Variants in SLCO4C1 observed in about 807,000 individuals in gnomAD.
The protein encoded by SLCO4C1 is solute carrier organic anion transporter family member 4C1.
Under a neutral mutation model 72.1 loss-of-function variants are expected in SLCO4C1, and 58 were observed. The observed-to-expected ratio is 0.80, with a 90% CI of 0.65 to 1.00. SLCO4C1 has a LOEUF of 1.00. Ranked by LOEUF, SLCO4C1 falls within the 50% of genes least tolerant of loss-of-function variation. SLCO4C1 has a pLI of 0.00. For missense variants in SLCO4C1, 898 were observed against 857.9 expected, an observed-to-expected ratio of 1.05 and a Z score of -0.58; for synonymous variants, 297 against 312.5, an observed-to-expected ratio of 0.95 and a Z score of 0.52.
rs746398318 is a variant in SLCO4C1, at chr5:102,257,322, A to G, written c.1274-12T>C. On this transcript the variant is annotated splice_polypyrimidine_tract_variant and intron_variant, in intron 7 of 12. Coordinates refer to ENST00000310954, the MANE Select transcript of SLCO4C1 (RefSeq NM_180991.5). ...AATTAAAACAGCCCCTAATAAGAAA[A>G]AAGAATGTAGATTGTGAGAAACCAT... 3 of 1,571,484 alleles carry G rather than the reference A, an allele frequency of 1.9e-6. No individual in the cohort carries two copies. In the South Asian group the frequency reaches 3.6e-5, roughly 19 times the overall value.
intron 8 of SLCO4C1, among the ~76,000 whole-genome samples, chr5:102,256,648 C>T (rs1031105742): frequency 6.6e-6 from 1 of 152,188 alleles, no homozygotes; most frequent in Admixed American, 6.5e-5. Flanking sequence ...TAAACATAAA[C>T]TTCTAAGTAG....
chr5:102,251,416 A>G (rs1177815163), intron 8 of SLCO4C1, among the ~76,000 whole-genome samples: 1 of 152,166 alleles, frequency 6.6e-6, no homozygotes, highest in East Asian at 1.9e-4. Flanking sequence ...TGGATGTAGA[A>G]TCAGTAAGAT....
intron 3 of SLCO4C1, among the ~76,000 whole-genome samples, chr5:102,269,005 T>C (rs1466776526): frequency 1.3e-5 from 2 of 152,128 alleles, no homozygotes; most frequent in Non-Finnish European, 2.9e-5. Flanking sequence ...CATCCAATTG[T>C]CTCCTGACCT....
intron 3 of SLCO4C1, 94 bp from the exon 4 acceptor site, chr5:102,263,874 C>A (rs775829322): frequency 4.4e-6 from 4 of 902,230 alleles, no homozygotes; most frequent in Non-Finnish European, 7.0e-6. Flanking sequence ...ACAGAAAAAT[C>A]TAAACAATTA....
At chr5:102,293,818 T>TC (rs1270328410) in intron 1 of SLCO4C1, among the ~76,000 whole-genome samples, 1 of 152,176 alleles carries the variant, frequency 6.6e-6, no homozygotes, top group Non-Finnish European at 1.5e-5. Context: ...CACTGCAACC[T>TC]CCACCTCCCG....
intron 2 of SLCO4C1, among the ~76,000 whole-genome samples, chr5:102,272,422 T>C (rs191439631): frequency 1.6e-3 from 240 of 152,256 alleles, no homozygotes; most frequent in Non-Finnish European, 2.2e-3. Context: ...CAGGTGGTCC[T>C]GTATTATGAA....
chr5:102,295,917 C>A lies in SLCO4C1; in HGVS notation c.346G>T (p.Val116Phe), dbSNP rs1448311504. The stretch of plus-strand genomic sequence containing the variant: ...GGGCGCTGGACTTTACCTTGCGTGA[C>A]GGCCAAGAGGCAGTAGTGAAGCAGA... ...GFLLHYCLLA[V>F]TQGIVVNGLV... Residue 116 changes from valine (V) to phenylalanine (F), a missense_variant, in exon 1 of 13, where the codon GTC becomes TTC. Transcript: ENST00000310954. 1 of 1,611,964 alleles carries A rather than the reference C, an allele frequency of 6.2e-7. No homozygotes were observed. The highest frequency in any genetic ancestry group is 8.5e-7 in the Non-Finnish European group (1 of 1,178,340).
In SLCO4C1 at chr5:102,234,013, A is replaced by G. The variant is rs570454316; in HGVS notation, c.*2845T>C. 4.6e-5 allele frequency: 7 copies of G among 152,274 alleles called. No individual in the cohort carries two copies. In the East Asian group the frequency reaches 1.3e-3, roughly 29 times the overall value. The allele number at this position is 152,274 out of a possible 1,614,324, so 9.4% of individuals were successfully genotyped here. A position where few individuals can be genotyped will look rare whatever the true frequency, so the allele number is the denominator to read the frequency against. ...TTGTATAAACATTCTGATTTAATAA[A>G]TGGTATGAATATATATTTTGCATAC... On this transcript the variant is annotated 3_prime_UTR_variant, in exon 13 of 13. Coordinates refer to ENST00000310954, the MANE Select transcript of SLCO4C1 (RefSeq NM_180991.5).
At chr5:102,283,020 T>C (rs1360275254) in intron 2 of SLCO4C1, among the ~76,000 whole-genome samples, 1 of 152,012 alleles carries the variant, frequency 6.6e-6, no homozygotes, top group Non-Finnish European at 1.5e-5. Flanking sequence ...GGCAATATTT[T>C]AATGTGTTAT....
intron 10 of SLCO4C1, 66 bp downstream of exon 10, chr5:102,247,186 C>T (rs538024915): frequency 5.7e-6 from 7 of 1,234,524 alleles, no homozygotes; most frequent in South Asian, 4.0e-5. Context: ...AAATGAACCC[C>T]GAGTCCATTT....
At chr5:102,249,832 T>C (rs371240959) in intron 8 of SLCO4C1, 44 bp from the exon 9 acceptor site, 1 of 1,588,236 alleles carries the variant, frequency 6.3e-7, no homozygotes, top group African/African-American at 1.4e-5. Context: ...CTGTCATAAC[T>C]TTTAACTAAC....
intron 12 of SLCO4C1, 69 bp downstream of exon 12, chr5:102,239,182 C>A: frequency 7.1e-7 from 1 of 1,404,688 alleles, no homozygotes; most frequent in Non-Finnish European, 9.4e-7. Flanking sequence ...CCCTAAGTAA[C>A]CAACAATGAG....
At chr5:102,240,164 C>G (rs1201351178) in intron 11 of SLCO4C1, among the ~76,000 whole-genome samples, 1 of 152,062 alleles carries the variant, frequency 6.6e-6, no homozygotes, top group Non-Finnish European at 1.5e-5. Context: ...AAAAAATTGG[C>G]AAGTTGGACG....
rs770669949 is a variant in SLCO4C1 at position 102,240,762 on chromosome 5, C to T, written c.1832G>A (p.Arg611Gln). ...SILRCVNHRQ[R>Q]SLALGIQFMV... ...AAATTGTATTCCCAAGGCTAGGGAC[C>T]GTTGTCTGTGATTAACACACCTGGA... is the stretch of plus-strand genomic sequence containing the variant. The change falls in exon 11 of 13, where the codon CGG becomes CAG. Residue 611 changes from arginine (R) to glutamine (Q), a missense_variant. Arg to Gln is a conservative substitution (Grantham distance 43, BLOSUM62 1). Transcript: ENST00000310954. 1.4e-5 allele frequency: 22 copies of T among 1,610,900 alleles called. No homozygotes were observed. Among genetic ancestry groups the T allele is most frequent in the Non-Finnish European group, 1.5e-5 (18 of 1,178,188 alleles).
At chr5:102,291,964 C>G (rs841926) in intron 1 of SLCO4C1, among the ~76,000 whole-genome samples, 104,488 of 151,738 alleles carry the variant, frequency 0.69, 36,044 homozygotes, top group Middle Eastern at 0.72. Flanking sequence ...TGGGATTACA[C>G]GCATGCACCA....
At position 102,236,284 on chromosome 5, in the gene SLCO4C1, G is replaced by A. The variant is rs1162405271; in HGVS notation, c.*574C>T. 1 of 152,514 alleles carries A rather than the reference G, an allele frequency of 6.6e-6. No individual in the cohort carries two copies. The highest frequency in any genetic ancestry group is 1.9e-4 in the East Asian group (1 of 5,204). The allele number at this position is 152,514 out of a possible 1,614,324, so 9.4% of individuals were successfully genotyped here. A position where few individuals can be genotyped will look rare whatever the true frequency, so the allele number is the denominator to read the frequency against. ...AATAATTTGCTTGGAGAAAGGCCAG[G>A]CTAGTATACATAAATTTAAAAACAA... On this transcript the variant is annotated 3_prime_UTR_variant, in exon 13 of 13. Coordinates refer to ENST00000310954, the MANE Select transcript of SLCO4C1 (RefSeq NM_180991.5).
chr5:102,275,215 T>C (rs10063293), intron 2 of SLCO4C1, among the ~76,000 whole-genome samples: 17,684 of 151,484 alleles, frequency 0.12, 1,220 homozygotes, highest in African/African-American at 0.15. Context: ...TAAAACCCCA[T>C]AGAAAAGAAG....
chr5:102,294,312 C>T (rs978838305), intron 1 of SLCO4C1, among the ~76,000 whole-genome samples: 1 of 152,182 alleles, frequency 6.6e-6, no homozygotes, highest in Non-Finnish European at 1.5e-5. Context: ...TCCCAAAGTG[C>T]TGGGATTACA....
chr5:102,280,176 C>A (rs530697316), intron 2 of SLCO4C1, among the ~76,000 whole-genome samples: 16 of 147,376 alleles, frequency 1.1e-4, no homozygotes, highest in Non-Finnish European at 2.1e-4. Context: ...TTCCTATGTG[C>A]AGAAAACATG....
Sources: allele counts gnomAD v4.1 joint callset (sites outside exome capture counted in the v4.1 genomes callset), GRCh38; gene constraint gnomAD v4.1.1; transcripts MANE v1.5; gene names NCBI Gene and HGNC (gene_info 2026-07-23, HGNC 2026-07-21).